CELF2: variants seen among roughly 807,000 people sequenced by gnomAD.
CELF2 encodes CUGBP Elav-like family member 2.
In CELF2, 8 loss-of-function variants were observed where a neutral mutation model predicts 62.6. The observed-to-expected ratio is 0.13, with a 90% CI of 0.07 to 0.23. The LOEUF is 0.23. Among genes scored for constraint, CELF2 ranks in the 10% least tolerant of loss-of-function variants. The pLI, the probability that CELF2 is intolerant of heterozygous loss-of-function variation, is 1.00. For synonymous variants in CELF2, 258 were observed against 250.0 expected (o/e 1.03, Z -0.30); for missense variants, 333 against 671.0 (o/e 0.50, Z 5.56).
chr10:11,068,565 C>CTT lies in CELF2; in HGVS notation c.74+50403_74+50404insTT, dbSNP rs1239554622. ...ACAGAACATTATGAGAACATTATTT[C>CTT]TGTTTTTTTTTTTGAGACGGAGTCT... On this transcript the variant is annotated intron_variant, in intron 1 of 12. Coordinates refer to ENST00000633077, the MANE Select transcript of CELF2 (RefSeq NM_001326342.2). 3.0e-3 allele frequency among the ~76,000 whole-genome samples: 376 copies of CTT among 125,778 alleles called. 3 individuals are homozygous for CTT. Among genetic ancestry groups the CTT allele is most frequent in the African/African-American group, 0.012 (360 of 31,098 alleles). 82.5% of individuals were successfully genotyped at this position (125,778 alleles called of 152,430 possible).
intron 2 of CELF2, among the ~76,000 whole-genome samples, chr10:11,209,307 G>A (rs1032028524): frequency 2.0e-5 from 3 of 151,994 alleles, no homozygotes; most frequent in African/African-American, 7.3e-5. Context: ...CAAGCACTGC[G>A]TGGAGGTCCA....
chr10:11,201,964 G>GT (rs5783202), intron 2 of CELF2, among the ~76,000 whole-genome samples: 29,727 of 151,184 alleles, frequency 0.2, 4,290 homozygotes, highest in East Asian at 0.68. Context: ...GTGGTGAAAC[G>GT]TAACTCCTGG....
At chr10:11,089,143 A>G (rs1296085992) in intron 1 of CELF2, among the ~76,000 whole-genome samples, 1 of 152,156 alleles carries the variant, frequency 6.6e-6, no homozygotes, top group East Asian at 1.9e-4. Context: ...GCCCAGATTC[A>G]AGAGGAGAGG....
chr10:10,976,053 G>A (rs2051303730), intron 2 of CELF2, among the ~76,000 whole-genome samples: 2 of 152,228 alleles, frequency 1.3e-5, no homozygotes, highest in African/African-American at 4.8e-5. Context: ...CTGGGTCTTT[G>A]CCTTGGCATT....
At chr10:10,542,735 C>A in the CELF2 span, among the ~76,000 whole-genome samples, 1 of 152,158 alleles carries the variant, frequency 6.6e-6, no homozygotes, top group Non-Finnish European at 1.5e-5. Flanking sequence ...GAGTCATTGA[C>A]CAAGCCCTAG....
chr10:10,502,785 AT>A, the CELF2 span, among the ~76,000 whole-genome samples: 1 of 151,056 alleles, frequency 6.6e-6, no homozygotes, highest in Non-Finnish European at 1.5e-5. Context: ...GCTTGCTTTG[AT>A]TTTATTTTGC....
chr10:11,241,452 G>C (rs138600415), intron 3 of CELF2, among the ~76,000 whole-genome samples: 5,936 of 152,200 alleles, frequency 0.039, 349 homozygotes, highest in East Asian at 0.25. Context: ...CACCCACCTT[G>C]GCCTCCCAAA....
At chr10:10,532,691 C>T in the CELF2 span, among the ~76,000 whole-genome samples, 1 of 152,106 alleles carries the variant, frequency 6.6e-6, no homozygotes, top group Non-Finnish European at 1.5e-5. Flanking sequence ...AAATGAGGAT[C>T]ATTAACTGCT....
chr10:10,895,029 G>T (rs1274979922), intron 1 of CELF2, among the ~76,000 whole-genome samples: 1 of 152,134 alleles, frequency 6.6e-6, no homozygotes, highest in Non-Finnish European at 1.5e-5. Context: ...TGTACTGAGT[G>T]ATATCACATT....
intron 1 of CELF2, among the ~76,000 whole-genome samples, chr10:10,908,524 G>A (rs2063541535): frequency 6.6e-6 from 1 of 151,744 alleles, no homozygotes; most frequent in Admixed American, 6.6e-5. Context: ...CCGACCTGAA[G>A]GGATATTTTT....
intron 1 of CELF2, among the ~76,000 whole-genome samples, chr10:10,893,349 A>G (rs1259623214): frequency 6.6e-6 from 1 of 152,202 alleles, no homozygotes; most frequent in Admixed American, 6.5e-5. Flanking sequence ...GAGGCTTCCA[A>G]CAGTTCCTTT....
the CELF2 span, among the ~76,000 whole-genome samples, chr10:10,624,318 T>C: frequency 6.6e-6 from 1 of 152,212 alleles, no homozygotes; most frequent in Non-Finnish European, 1.5e-5. Context: ...TTTCAGTATC[T>C]TTAGCCTTTT....
At chr10:11,043,668 C>A (rs2062250690) in intron 1 of CELF2, among the ~76,000 whole-genome samples, 1 of 152,190 alleles carries the variant, frequency 6.6e-6, no homozygotes, top group Non-Finnish European at 1.5e-5. Flanking sequence ...CTCCCACATT[C>A]TCCACATCCA....
the CELF2 span, among the ~76,000 whole-genome samples, chr10:10,555,210 C>A: frequency 2.6e-5 from 4 of 151,646 alleles, no homozygotes; most frequent in Non-Finnish European, 5.9e-5. Context: ...ATTAGGCAAC[C>A]AAGAGGAAAA....
rs1427994806 is a variant in CELF2, at chr10:11,306,063, GT to G, written c.977-8072del. Among the ~76,000 whole-genome samples, 2 of 152,186 alleles carry G rather than the reference GT, an allele frequency of 1.3e-5. No homozygotes were observed. Among genetic ancestry groups the G allele is most frequent in the African/African-American group, 4.8e-5 (2 of 41,450 alleles). ...TGAACGTCCGTCGCCTGATTGATAG[GT>G]TTTAACCAGTGGTACAACAGGCTTA... is the stretch of plus-strand genomic sequence containing the variant. On this transcript the variant is annotated intron_variant, in intron 9 of 12. Transcript: ENST00000633077. This position sits in a 1 kb window ranked among gnomAD's most constrained non-coding sequence, Gnocchi z 4.4.
the CELF2 span, among the ~76,000 whole-genome samples, chr10:10,545,694 T>C: frequency 6.6e-6 from 1 of 151,810 alleles, no homozygotes; most frequent in African/African-American, 2.4e-5. Flanking sequence ...AAATATACTA[T>C]ACACACACAC....
intron 2 of CELF2, among the ~76,000 whole-genome samples, chr10:11,204,019 C>T (rs550001665): frequency 6.6e-5 from 10 of 152,302 alleles, no homozygotes; most frequent in South Asian, 2.1e-4. Flanking sequence ...AGAGGAGGGG[C>T]GCAGAGGGTT....
Position 11,247,997 on chromosome 10 carries a change from A to G in CELF2, c.355-1156A>G, listed in dbSNP as rs1366916071. 6.6e-6 allele frequency among the ~76,000 whole-genome samples: 1 copy of G among 152,242 alleles called. No homozygotes were observed. Among genetic ancestry groups the G allele is most frequent in the Non-Finnish European group, 1.5e-5 (1 of 68,042 alleles). ...GATGATAATTTCCCATGATGAAAGT[A>G]TCAGAGCCAAGTGCCATTTCCCTTT... On this transcript the variant is annotated intron_variant, in intron 3 of 12. Transcript: ENST00000633077. The surrounding 1 kb of genome is among the most constrained non-coding windows in gnomAD (Gnocchi z 5.4).
chr10:10,850,004 C>T (rs975668831), intron 1 of CELF2, among the ~76,000 whole-genome samples: 3 of 151,754 alleles, frequency 2.0e-5, no homozygotes, highest in Non-Finnish European at 4.4e-5. Flanking sequence ...AAAAATTAGC[C>T]GAGCATGGTG....
Sources: gnomAD v4.1 joint callset for allele counts (sites outside exome capture counted in the v4.1 genomes callset) on GRCh38, gnomAD v4.1.1 for gene constraint, Gnocchi (gnomAD v3.1) non-coding constraint, MANE v1.5 for transcripts, NCBI Gene and HGNC (gene_info 2026-07-23, HGNC 2026-07-21) for gene names.